Variants in TMEM178B observed in about 807,000 individuals in gnomAD.
TMEM178B encodes the protein transmembrane protein 178B.
TMEM178B carries 5 observed loss-of-function variants against 31.0 expected under a neutral mutation model. The observed-to-expected ratio is 0.16, with a 90% CI of 0.08 to 0.34. TMEM178B has a LOEUF of 0.34. Among genes scored for constraint, TMEM178B ranks in the 10% least tolerant of loss-of-function variants. The pLI is 1.00. For missense variants in TMEM178B, 275 were observed against 400.3 expected (o/e 0.69, Z 2.67); for synonymous variants, 164 against 164.0 (o/e 1.00, Z 0.00).
chr7:141,394,930 C>G (rs1022579362), intron 2 of TMEM178B, among the ~76,000 whole-genome samples: 1 of 152,206 alleles, frequency 6.6e-6, no homozygotes, highest in Non-Finnish European at 1.5e-5. Context: ...TATGTTTTAA[C>G]TATGTGTTCC....
chr7:141,083,433 T>G (rs1586758386), intron 1 of TMEM178B, among the ~76,000 whole-genome samples: 3 of 128,334 alleles, frequency 2.3e-5, no homozygotes, highest in Admixed American at 9.1e-5. Context: ...TGAGGGAGGG[T>G]GAAAAGAGGG....
At position 141,318,676 on chromosome 7, in the gene TMEM178B, G is replaced by A. The variant is rs1422049025; in HGVS notation, c.496+105972G>A. Among the ~76,000 whole-genome samples, 1 of 152,142 alleles carries A rather than the reference G, an allele frequency of 6.6e-6. No individual in the cohort carries two copies. The highest frequency in any genetic ancestry group is 1.5e-5 in the Non-Finnish European group (1 of 68,036). On this transcript the variant is annotated intron_variant, in intron 2 of 3. Coordinates refer to ENST00000565468, the MANE Select transcript of TMEM178B (RefSeq NM_001195278.2). This position sits in a 1 kb window ranked among gnomAD's most constrained non-coding sequence, Gnocchi z 4.1. ...GTACCAAGACACTTAGAATTTTGCTGCTTTAAGTCTGTCTGATTCACAGCT... is the reference window on the plus strand; with the variant it reads ...GTACCAAGACACTTAGAATTTTGCTACTTTAAGTCTGTCTGATTCACAGCT...
At chr7:141,202,431 A>G (rs1394351553) in intron 1 of TMEM178B, among the ~76,000 whole-genome samples, 1 of 152,180 alleles carries the variant, frequency 6.6e-6, no homozygotes, top group African/African-American at 2.4e-5. Context: ...GGGTCCCCTG[A>G]GCACCTCTCA....
chr7:141,261,488 G>A (rs1798011553), intron 2 of TMEM178B, among the ~76,000 whole-genome samples: 2 of 152,062 alleles, frequency 1.3e-5, no homozygotes, highest in South Asian at 4.1e-4. Flanking sequence ...GACAGATGAG[G>A]CAAAGAAATT....
intron 1 of TMEM178B, among the ~76,000 whole-genome samples, chr7:141,147,002 A>G (rs1413505751): frequency 1.3e-5 from 2 of 152,180 alleles, no homozygotes; most frequent in Non-Finnish European, 2.9e-5. Flanking sequence ...ATGCATTTGC[A>G]TCTTGGAGCA....
At chr7:141,283,031 A>G (rs1392313339) in intron 2 of TMEM178B, among the ~76,000 whole-genome samples, 2 of 152,094 alleles carry the variant, frequency 1.3e-5, no homozygotes, top group Admixed American at 6.5e-5. Context: ...CCTCTAATCT[A>G]TGAGGGAGGG....
intron 2 of TMEM178B, among the ~76,000 whole-genome samples, chr7:141,386,908 C>T (rs1490890009): frequency 6.6e-6 from 1 of 152,130 alleles, no homozygotes; most frequent in Non-Finnish European, 1.5e-5. Flanking sequence ...CTATCAGTAA[C>T]TCAGCTTCAA....
chr7:141,209,980 A>G (rs1166258425), intron 1 of TMEM178B, among the ~76,000 whole-genome samples: 1 of 152,044 alleles, frequency 6.6e-6, no homozygotes, highest in Non-Finnish European at 1.5e-5. Context: ...ACTGTGTGTA[A>G]GAGGCCAACA....
chr7:141,177,309 CTGTT>C (rs1403184283), intron 1 of TMEM178B, among the ~76,000 whole-genome samples: 7 of 152,146 alleles, frequency 4.6e-5, no homozygotes, highest in African/African-American at 7.2e-5. Context: ...GTCTGAGAGA[CTGTT>C]TGTTATGATT....
chr7:141,510,685 CAAAAAAAAAAAAAAAA>C, the TMEM178B span, among the ~76,000 whole-genome samples: 4 of 24,956 alleles, frequency 1.6e-4, no homozygotes, highest in Admixed American at 8.4e-4. Flanking sequence ...AACTCCGTCT[CAAAAAAAAAAAAAAAA>C]AAAAAAAAAA....
At chr7:141,156,523 G>A (rs1796072583) in intron 1 of TMEM178B, among the ~76,000 whole-genome samples, 1 of 152,258 alleles carries the variant, frequency 6.6e-6, no homozygotes, top group Admixed American at 6.5e-5. Context: ...TACAAAAGAT[G>A]GACACCTTGA....
rs149667738 is a variant in TMEM178B, at chr7:141,140,952, T to G, written c.382+66260T>G. On this transcript the variant is annotated intron_variant, in intron 1 of 3. Transcript: ENST00000565468. ...GTCAGATTTTTCTACTGTGAAGTTA[T>G]TTATTTTTCCCTCTTTTCCTACTGT... Among the ~76,000 whole-genome samples, 184 of 152,316 alleles carry G rather than the reference T, an allele frequency of 1.2e-3. 3 individuals are homozygous for G. The highest frequency in any genetic ancestry group is 4.3e-3 in the African/African-American group (177 of 41,566).
intron 2 of TMEM178B, among the ~76,000 whole-genome samples, chr7:141,324,433 T>TG (rs1563151687): frequency 5.7e-5 from 7 of 121,800 alleles, no homozygotes; most frequent in Non-Finnish European, 1.3e-4. Context: ...TTTTTTTTTT[T>TG]TTTTTTTTTT....
intron 1 of TMEM178B, among the ~76,000 whole-genome samples, chr7:141,157,488 AC>A (rs1381651129): frequency 6.6e-6 from 1 of 151,952 alleles, no homozygotes; most frequent in Non-Finnish European, 1.5e-5. Flanking sequence ...AACAAATGAA[AC>A]TCAAAGCACC....
chr7:141,439,500 T>C (rs562138392), intron 3 of TMEM178B, among the ~76,000 whole-genome samples: 50 of 152,292 alleles, frequency 3.3e-4, no homozygotes, highest in African/African-American at 1.1e-3. Context: ...CAAACTAGCT[T>C]GATGATTTCC....
chr7:141,108,419 A>T (rs376190295), intron 1 of TMEM178B, among the ~76,000 whole-genome samples: 7 of 152,320 alleles, frequency 4.6e-5, no homozygotes, highest in African/African-American at 1.7e-4. Context: ...TTCATGGGCA[A>T]TCCATCTATA....
At chr7:141,123,376 C>T (rs530703835) in intron 1 of TMEM178B, among the ~76,000 whole-genome samples, 9 of 152,226 alleles carry the variant, frequency 5.9e-5, no homozygotes, top group Non-Finnish European at 1.3e-4. Context: ...CTTTCCATGT[C>T]CTGCAGTAGA....
At chr7:141,501,847 G>GCTCT in the TMEM178B span, among the ~76,000 whole-genome samples, 6,351 of 148,796 alleles carry the variant, frequency 0.043, 424 homozygotes, top group African/African-American at 0.14. Context: ...AGTCTCTCAT[G>GCTCT]CTCTCTCTCT....
At chr7:141,098,960 ACCAAAC>A (rs1263419970) in intron 1 of TMEM178B, among the ~76,000 whole-genome samples, 1 of 152,160 alleles carries the variant, frequency 6.6e-6, no homozygotes, top group Non-Finnish European at 1.5e-5. Context: ...ATTTACAAAA[ACCAAAC>A]CCAAAACAAA....
Sources: gnomAD v4.1 joint callset for allele counts (sites outside exome capture counted in the v4.1 genomes callset) on GRCh38, gnomAD v4.1.1 for gene constraint, Gnocchi (gnomAD v3.1) non-coding constraint, MANE v1.5 for transcripts, NCBI Gene and HGNC (gene_info 2026-07-23, HGNC 2026-07-21) for gene names.